The following CCL3 variants were observed in gnomAD, a reference collection of about 807,000 sequenced individuals.
CCL3 encodes the protein C-C motif chemokine 3.
CCL3 carries 6 observed loss-of-function variants against 8.1 expected under a neutral mutation model. The ratio of observed to expected loss-of-function variants is 0.74; its 90% CI spans 0.41 to 1.46. The LOEUF (loss-of-function observed/expected upper bound fraction) is 1.46, where lower values mean the gene tolerates loss of function less well. Among genes scored for constraint, CCL3 ranks in the 40% most tolerant of loss-of-function variants. The pLI is 0.02. For missense variants in CCL3, 109 were observed against 117.7 expected, an observed-to-expected ratio of 0.93 and a Z score of 0.34; for synonymous variants, 45 against 45.1, an observed-to-expected ratio of 1.00 and a Z score of 0.01.
At chr17:36,088,792 T>TGGGGAATCCAGCA (rs2067011533) in intron 2 of CCL3, 30 bp from the exon 3 acceptor site, 2 of 1,612,790 alleles carry the variant, frequency 1.2e-6, no homozygotes, top group South Asian at 1.1e-5. Context: ...AGTTAAGCAC[T>TGGGGAATCCAGCA]GGGGAATCCA....
At chr17:36,088,834 C>A (rs554356555) in intron 2 of CCL3, 72 bp from the exon 3 acceptor site, 264 of 1,581,646 alleles carry the variant, frequency 1.7e-4, no homozygotes, top group African/African-American at 9.8e-4. Context: ...CATGGCCCCA[C>A]CATTCTGCTC....
Position 36,088,750 on chromosome 17 carries a change from C to A in CCL3, c.201G>T (p.Lys67Asn), listed in dbSNP as rs1463365356. 1.2e-6 allele frequency: 2 copies of A among 1,613,752 alleles called. No homozygotes were observed. The highest frequency in any genetic ancestry group is 1.7e-6 in the Non-Finnish European group (2 of 1,179,848). ...CSKPGVIFLT[K>N]RSRQVCADPS... ...GGTCAGCACAGACCTGCCGGCTTCG[C>A]TTGGTTAGGAAGCTGTGGAGAAGGG... The change falls in exon 3 of 3, where the codon AAG becomes AAT. Residue 67 changes from lysine to asparagine, a missense_variant. By Grantham distance (94) the Lys-to-Asn change is moderately conservative. Transcript: ENST00000613922.
At position 36,089,191 on chromosome 17, in the gene CCL3, G is replaced by A. The variant is rs1130371; in HGVS notation, c.180C>T (p.Pro60=). The A allele has an allele frequency of 0.23, 365,653 of 1,611,796 alleles. 40,944 individuals carry two copies. The highest frequency in any genetic ancestry group is 0.33 in the East Asian group (14,561 of 44,784). Residue 60 remains proline, a synonymous_variant, in exon 2 of 3, where the codon CCC becomes CCT. Coordinates refer to ENST00000613922, the MANE Select transcript of CCL3 (RefSeq NM_002983.3). The part of the protein sequence containing the change: ...YFETSSQCSK[P]GVIFLTKRSR... Reference sequence around the variant, plus strand: ...GGAAGACTGGCACTTACATGACACCGGGCTTGGAGCACTGGCTGCTCGTCT... The same window carrying A: ...GGAAGACTGGCACTTACATGACACCAGGCTTGGAGCACTGGCTGCTCGTCT...
rs367856406 is a variant in CCL3, at chr17:36,088,933, GGT to G, written c.189-173_189-172del. Among the ~76,000 whole-genome samples the G allele has an allele frequency of 9.8e-3, 1,497 of 152,246 alleles. 24 individuals are homozygous for G. Among genetic ancestry groups the G allele is most frequent in the East Asian group, 0.086 (443 of 5,172 alleles). ...GAGCTTCTCTCAGTGACTCAGTAGG[GGT>G]GGCCCTCAGAGTGTCCCGCTGCCTC... is the stretch of plus-strand genomic sequence containing the variant. On this transcript the variant is annotated intron_variant, in intron 2 of 2. Coordinates refer to ENST00000613922, the MANE Select transcript of CCL3 (RefSeq NM_002983.3).
At position 36,089,880 on chromosome 17, in the gene CCL3, T is replaced by C; in HGVS notation, c.73+106A>G. ...AAGACCAAGATGTTTGGCAGCCCTT[T>C]AAGAAGTTCTCTTTTCTCTTGGGGG... On this transcript the variant is annotated intron_variant, in intron 1 of 2. Transcript: ENST00000613922. The C allele has an allele frequency of 3.7e-6, 4 of 1,092,640 alleles. No individual in the cohort carries two copies. The South Asian group carries it at 5.3e-5, about 14-fold the overall frequency. The allele number at this position is 1,092,640 out of a possible 1,614,324, so 67.7% of individuals were successfully genotyped here.
chr17:36,088,973 C>A (rs1484519995), intron 2 of CCL3, among the ~76,000 whole-genome samples: 1 of 152,178 alleles, frequency 6.6e-6, no homozygotes, highest in Non-Finnish European at 1.5e-5. Context: ...TCTTCCTGTC[C>A]CTTTCCTCTG....
Position 36,088,585 on chromosome 17 carries a change from G to T in CCL3, c.*87C>A. The T allele has an allele frequency of 1.4e-6, 2 of 1,423,250 alleles. No homozygotes were observed. Among genetic ancestry groups the T allele is most frequent in the Non-Finnish European group, 2.0e-6 (2 of 1,008,280 alleles). The allele number at this position is 1,423,250 out of a possible 1,614,324, so 88.2% of individuals were successfully genotyped here. A position where few individuals can be genotyped will look rare whatever the true frequency, so the allele number is the denominator to read the frequency against. On this transcript the variant is annotated 3_prime_UTR_variant, in exon 3 of 3. Transcript: ENST00000613922. ...AGTCCATAGAAGAGGTAGCTGTGGA[G>T]GTCACACGCATGTTCCCAAGGCTCA...
intron 1 of CCL3, 81 bp downstream of exon 1, chr17:36,089,905 G>T: frequency 7.6e-7 from 1 of 1,315,830 alleles, no homozygotes; most frequent in East Asian, 2.3e-5. Context: ...TCTCTTGGGG[G>T]CTTTTAGGCC....
At chr17:36,089,841 A>T in intron 1 of CCL3, 145 bp downstream of exon 1, 1 of 818,664 alleles carries the variant, frequency 1.2e-6, no homozygotes, top group South Asian at 1.4e-5. Context: ...ATAAAAATAA[A>T]AGTCTTAAAG....
In CCL3 at chr17:36,088,510, T is replaced by A. The variant is rs41360951; in HGVS notation, c.*162A>T. ...CAAAAACTAAATAGTATAAATAAAT[T>A]AAAATTTAAGTTAAGAAGAGTCCCA... On this transcript the variant is annotated 3_prime_UTR_variant, in exon 3 of 3. Coordinates refer to ENST00000613922, the MANE Select transcript of CCL3 (RefSeq NM_002983.3). 3.8e-3 allele frequency: 2,666 copies of A among 703,572 alleles called. 56 individuals are homozygous for A. In the African/African-American group the frequency reaches 0.044, roughly 12 times the overall value. The allele number at this position is 703,572 out of a possible 1,614,324, so 43.6% of individuals were successfully genotyped here.
rs2067030523 is a variant in CCL3 at position 36,089,966 on chromosome 17, A to G, written c.73+20T>C. 1 of 1,610,732 alleles carries G rather than the reference A, an allele frequency of 6.2e-7. No homozygotes were observed. Among genetic ancestry groups the G allele is most frequent in the Admixed American group, 1.7e-5 (1 of 59,994 alleles). On this transcript the variant is annotated intron_variant, in intron 1 of 2. Transcript: ENST00000613922. ...CCATGGCCAGAGAGTGGTGATACCC[A>G]CAACGAAACTCAGACTCACGTGATG... is the stretch of plus-strand genomic sequence containing the variant.
At position 36,088,593 on chromosome 17, in the gene CCL3, G is replaced by C; in HGVS notation, c.*79C>G. On this transcript the variant is annotated 3_prime_UTR_variant, in exon 3 of 3. Transcript: ENST00000613922. ...GAAGAGGTAGCTGTGGAGGTCACAC[G>C]CATGTTCCCAAGGCTCAGGCTCCTG... is the stretch of plus-strand genomic sequence containing the variant. 6.7e-7 allele frequency: 1 copy of C among 1,502,006 alleles called. No homozygotes were observed. The highest frequency in any genetic ancestry group is 1.7e-5 in the Admixed American group (1 of 59,850). The allele number at this position is 1,502,006 out of a possible 1,614,324, so 93.0% of individuals were successfully genotyped here. A position where few individuals can be genotyped will look rare whatever the true frequency, so the allele number is the denominator to read the frequency against.
In CCL3 at chr17:36,089,051, G is replaced by A. The variant is rs6505506; in HGVS notation, c.188+132C>T. 3.0e-3 allele frequency: 3,676 copies of A among 1,213,898 alleles called. 60 individuals carry two copies. The African/African-American group carries it at 0.044, about 15-fold the overall frequency. The allele number at this position is 1,213,898 out of a possible 1,614,324, so 75.2% of individuals were successfully genotyped here. On this transcript the variant is annotated intron_variant, in intron 2 of 2. Transcript: ENST00000613922. ...CCAGCTCCAAGTCAGGTCACACCTC[G>A]GAGCCCTGCGTCCTGTATCCCCGAT...
At chr17:36,089,532 T>C in intron 1 of CCL3, 2 of 619,920 alleles carry the variant, frequency 3.2e-6, no homozygotes, top group Non-Finnish European at 5.7e-6. Flanking sequence ...GAACGGACTG[T>C]TCTCTTATCT....
chr17:36,089,540 T>G (rs1279243985), intron 1 of CCL3: 1 of 616,512 alleles, frequency 1.6e-6, no homozygotes, highest in East Asian at 2.8e-5. Flanking sequence ...TGTTCTCTTA[T>G]CTCAGTTCTC....
chr17:36,089,102 A>G (rs2067016830), intron 2 of CCL3, 81 bp downstream of exon 2: 1 of 1,567,992 alleles, frequency 6.4e-7, no homozygotes, highest in Non-Finnish European at 8.8e-7. Flanking sequence ...GGGCCTTTCC[A>G]GGATAGCCTT....
At chr17:36,089,061 G>C in intron 2 of CCL3, 122 bp downstream of exon 2, 1 of 1,311,526 alleles carries the variant, frequency 7.6e-7, no homozygotes, top group Middle Eastern at 2.6e-4. Flanking sequence ...GGAGCCCTGC[G>C]TCCTGTATCC....
chr17:36,088,606 G>T lies in CCL3; in HGVS notation c.*66C>A. 1.3e-6 allele frequency: 2 copies of T among 1,580,016 alleles called. No individual in the cohort carries two copies. The highest frequency in any genetic ancestry group is 2.2e-5 in the East Asian group (1 of 44,732). Reference sequence around the variant, plus strand: ...TGGAGGTCACACGCATGTTCCCAAGGCTCAGGCTCCTGCTCCTCCCCACTG... The same window carrying T: ...TGGAGGTCACACGCATGTTCCCAAGTCTCAGGCTCCTGCTCCTCCCCACTG... On this transcript the variant is annotated 3_prime_UTR_variant, in exon 3 of 3. Transcript: ENST00000613922.
At position 36,089,988 on chromosome 17, in the gene CCL3, G is replaced by C; in HGVS notation, c.71C>G (p.Ser24Ter). Residue 24 changes from serine (S) to a stop codon, truncating the protein, a stop_gained and splice_region_variant, in exon 1 of 3, where the codon TCA becomes TGA. Coordinates refer to ENST00000613922, the MANE Select transcript of CCL3 (RefSeq NM_002983.3). LOFTEE classifies it high-confidence loss of function. ...CCCACAACGAAACTCAGACTCACGT[G>C]ATGCAGAGAACTGGTTGCAGAGAGC... The part of the protein sequence containing the change: ...TMALCNQFSA[S>*]LAADTPTACC... 1.2e-6 allele frequency: 2 copies of C among 1,613,784 alleles called. No homozygotes were observed. The highest frequency in any genetic ancestry group is 1.7e-6 in the Non-Finnish European group (2 of 1,179,766).
Sources: gnomAD v4.1 joint callset for allele counts (sites outside exome capture counted in the v4.1 genomes callset) on GRCh38, gnomAD v4.1.1 for gene constraint, MANE v1.5 for transcripts, NCBI Gene and HGNC (gene_info 2026-07-23, HGNC 2026-07-21) for gene names.